The following PRUNE2 variants were observed in gnomAD, a reference collection of about 807,000 sequenced individuals.
The protein encoded by PRUNE2 is prune homolog 2 with BCH domain.
In PRUNE2, 164 loss-of-function variants were observed where a neutral mutation model predicts 252.0. The observed-to-expected ratio is 0.65, with a 90% CI of 0.57 to 0.74. PRUNE2 has a LOEUF of 0.74. Ranked by LOEUF, PRUNE2 falls within the 30% of genes least tolerant of loss-of-function variation. The pLI is 0.00. For missense variants in PRUNE2, 3,495 were observed against 3,711.0 expected (o/e 0.94, Z 1.51); for synonymous variants, 1,292 against 1,350.2 (o/e 0.96, Z 0.94).
At chr9:76,881,220 C>T (rs935151595) in intron 1 of PRUNE2, among the ~76,000 whole-genome samples, 1 of 152,170 alleles carries the variant, frequency 6.6e-6, no homozygotes. Context: ...CCCGCCTTGG[C>T]CTCCCAAAGT....
intron 6 of PRUNE2, among the ~76,000 whole-genome samples, chr9:76,748,251 T>C (rs543714249): frequency 3.9e-5 from 6 of 152,338 alleles, no homozygotes; most frequent in Admixed American, 3.3e-4. Context: ...CAAAATCCTT[T>C]ATTTTTTCAA....
At chr9:76,834,772 C>G (rs955288834) in intron 4 of PRUNE2, among the ~76,000 whole-genome samples, 2 of 152,160 alleles carry the variant, frequency 1.3e-5, no homozygotes, top group Non-Finnish European at 2.9e-5. Context: ...TTTGACTGCA[C>G]AAAAACAGCT....
At chr9:76,650,123 C>T (rs1846802927) in intron 11 of PRUNE2, among the ~76,000 whole-genome samples, 1 of 152,028 alleles carries the variant, frequency 6.6e-6, no homozygotes, top group Non-Finnish European at 1.5e-5. Flanking sequence ...CAACAATGAG[C>T]TGTGTGACCT....
rs1589416176 is a variant in PRUNE2, at chr9:76,823,849, T to C, written c.662-123A>G. The C allele has an allele frequency of 7.9e-6, 5 of 635,674 alleles. No individual in the cohort carries two copies. The East Asian group carries it at 1.3e-4, about 17-fold the overall frequency. The allele number at this position is 635,674 out of a possible 1,614,324, so 39.4% of individuals were successfully genotyped here. ...ATTCTTTGCCCCTCAAATGTCACTT[T>C]TATCCACAATAAACACACACACACA... is the stretch of plus-strand genomic sequence containing the variant. On this transcript the variant is annotated intron_variant, in intron 5 of 18. Transcript: ENST00000376718.
intron 1 of PRUNE2, among the ~76,000 whole-genome samples, chr9:76,870,260 G>C (rs1340180031): frequency 6.7e-6 from 1 of 149,756 alleles, no homozygotes; most frequent in East Asian, 1.9e-4. Context: ...CAAAAGAAGA[G>C]AGCAAGACTC....
At chr9:76,630,507 G>A (rs1837083683) in intron 15 of PRUNE2, among the ~76,000 whole-genome samples, 2 of 152,132 alleles carry the variant, frequency 1.3e-5, no homozygotes, top group African/African-American at 2.4e-5. Flanking sequence ...TTGGTCTTAT[G>A]CATTTCTGAA....
chr9:76,671,047 G>T (rs1242827079), intron 9 of PRUNE2, among the ~76,000 whole-genome samples: 1 of 152,226 alleles, frequency 6.6e-6, no homozygotes, highest in African/African-American at 2.4e-5. Context: ...AATAAAGCTG[G>T]ATGGAGAATG....
intron 9 of PRUNE2, among the ~76,000 whole-genome samples, chr9:76,684,927 T>C (rs1452946906): frequency 1.3e-5 from 2 of 152,142 alleles, no homozygotes; most frequent in East Asian, 3.9e-4. Flanking sequence ...AATTTTTCTA[T>C]TTTTAGTAGA....
At chr9:76,897,390 C>CTTTTTTT (rs55702049) in intron 1 of PRUNE2, among the ~76,000 whole-genome samples, 2 of 56,252 alleles carry the variant, frequency 3.6e-5, no homozygotes, top group Admixed American at 2.5e-4. Context: ...AGGCAAACCT[C>CTTTTTTT]TTTTTTTTTT....
At chr9:76,903,799 G>C (rs2063322719) in intron 1 of PRUNE2, among the ~76,000 whole-genome samples, 1 of 152,022 alleles carries the variant, frequency 6.6e-6, no homozygotes, top group South Asian at 2.1e-4. Context: ...TGTTGGCCAG[G>C]CTGGTTTCGA....
intron 9 of PRUNE2, among the ~76,000 whole-genome samples, chr9:76,670,680 T>A (rs990984401): frequency 1.3e-5 from 2 of 152,012 alleles, no homozygotes; most frequent in African/African-American, 4.8e-5. Context: ...GAGCAGTGGT[T>A]CTCCCAGCAC....
Position 76,716,583 on chromosome 9 carries a change from G to A in PRUNE2, c.757-2862C>T, listed in dbSNP as rs180773268. 6.6e-5 allele frequency among the ~76,000 whole-genome samples: 10 copies of A among 152,122 alleles called. No homozygotes were observed. The East Asian group carries it at 1.4e-3, about 21-fold the overall frequency. The stretch of plus-strand genomic sequence containing the variant: ...TGCGTTTCTGGGCCGATTTGCTACA[G>A]GTTCTCATTTAGCAGGTTGGGCACT... On this transcript the variant is annotated intron_variant, in intron 6 of 18. Coordinates refer to ENST00000376718, the MANE Select transcript of PRUNE2 (RefSeq NM_015225.3).
At chr9:76,675,124 G>A (rs1418022879) in intron 9 of PRUNE2, among the ~76,000 whole-genome samples, 1 of 100,450 alleles carries the variant, frequency 1.0e-5, no homozygotes, top group Non-Finnish European at 2.3e-5. Context: ...AGAGTGAACA[G>A]GCAACCTACA....
chr9:76,878,313 G>C (rs1370347088), intron 1 of PRUNE2, among the ~76,000 whole-genome samples: 1 of 152,206 alleles, frequency 6.6e-6, no homozygotes, highest in Non-Finnish European at 1.5e-5. Flanking sequence ...GGAATTCTTT[G>C]TAGGCAGGGA....
intron 1 of PRUNE2, among the ~76,000 whole-genome samples, chr9:76,897,377 C>A: frequency 7.3e-6 from 1 of 137,596 alleles, no homozygotes; most frequent in Non-Finnish European, 1.5e-5. Flanking sequence ...GCTATGCAAC[C>A]TTAGGCAAAC....
chr9:76,734,855 T>C (rs752874661), intron 6 of PRUNE2, among the ~76,000 whole-genome samples: 3 of 152,142 alleles, frequency 2.0e-5, no homozygotes, highest in Non-Finnish European at 4.4e-5. Flanking sequence ...CCATAGGGGT[T>C]TTTGAAGCTC....
intron 15 of PRUNE2, among the ~76,000 whole-genome samples, chr9:76,633,444 G>A (rs745517321): frequency 5.3e-5 from 8 of 151,924 alleles, no homozygotes; most frequent in South Asian, 2.1e-4. Flanking sequence ...AGCCAGGCGT[G>A]GTGGTACATA....
chr9:76,666,915 G>A (rs2040309765), intron 9 of PRUNE2, among the ~76,000 whole-genome samples: 1 of 152,074 alleles, frequency 6.6e-6, no homozygotes, highest in Non-Finnish European at 1.5e-5. Context: ...CTGTGGTGGT[G>A]CATGCCTGTA....
At position 76,702,345 on chromosome 9, in the gene PRUNE2, A is replaced by G. The variant is rs537744602; in HGVS notation, c.8276+992T>C. ...GGTGTTGGGATTACAGGTATGAACC[A>G]CCGCACCTGGCCGATATCTTTTCTC... On this transcript the variant is annotated intron_variant, in intron 9 of 18. Transcript: ENST00000376718. Among the ~76,000 whole-genome samples, 11 of 152,292 alleles carry G rather than the reference A, an allele frequency of 7.2e-5. No homozygotes were observed. In the South Asian group the frequency reaches 1.9e-3, roughly 26 times the overall value.
Sources: allele counts gnomAD v4.1 joint callset (sites outside exome capture counted in the v4.1 genomes callset), GRCh38; gene constraint gnomAD v4.1.1; transcripts MANE v1.5; gene names NCBI Gene and HGNC (gene_info 2026-07-23, HGNC 2026-07-21).